Variants in ATP2C1 observed in about 807,000 individuals in gnomAD.
ATP2C1 encodes ATPase secretory pathway Ca2+ transporting 1, also known as calcium-transporting ATPase type 2C member 1.
In ATP2C1, 31 loss-of-function variants were observed where a neutral mutation model predicts 120.5. That is an observed-to-expected ratio of 0.26 (90% CI 0.19 to 0.35). ATP2C1 has a LOEUF of 0.35. Among genes scored for constraint, ATP2C1 ranks in the 10% least tolerant of loss-of-function variants. The pLI is 1.00. For missense variants in ATP2C1, 731 were observed against 1,107.5 expected (o/e 0.66, Z 4.83); for synonymous variants, 351 against 358.7 (o/e 0.98, Z 0.24).
intron 26 of ATP2C1, among the ~76,000 whole-genome samples, chr3:131,012,458 A>G (rs2063361851): frequency 6.6e-6 from 1 of 151,840 alleles, no homozygotes. Context: ...GGGTTTCACC[A>G]TGTCGGCCAG....
intron 2 of ATP2C1, among the ~76,000 whole-genome samples, chr3:130,915,115 A>G (rs553328121): frequency 6.6e-6 from 1 of 150,602 alleles, no homozygotes; most frequent in South Asian, 2.1e-4. Flanking sequence ...CCCCCTTGAG[A>G]CGATGTTTCA....
intron 17 of ATP2C1, 71 bp from the exon 18 acceptor site, chr3:130,975,261 T>G: frequency 6.8e-7 from 1 of 1,470,928 alleles, no homozygotes; most frequent in Non-Finnish European, 9.5e-7. Context: ...GAATGCCACT[T>G]AATTTTGGAC....
upstream of ATP2C1, chr3:130,894,015 A>G (rs2069337067): frequency 1.1e-5 from 11 of 986,232 alleles, no homozygotes; most frequent in African/African-American, 3.5e-5. This position sits in a 1 kb window ranked among gnomAD's most constrained non-coding sequence, Gnocchi z 4.5. Flanking sequence ...CGGCTGGCCC[A>G]GGAGTGCGGG....
At chr3:130,889,346 G>A (rs1021217395), upstream of ATP2C1, among the ~76,000 whole-genome samples, 3 of 152,066 alleles carry the variant, frequency 2.0e-5, no homozygotes, top group Non-Finnish European at 4.4e-5. Context: ...GACCTTATTC[G>A]AGGACCTAGT....
chr3:130,890,353 C>T (rs779883028), upstream of ATP2C1, among the ~76,000 whole-genome samples: 10 of 152,172 alleles, frequency 6.6e-5, no homozygotes, highest in Non-Finnish European at 8.8e-5. Flanking sequence ...ACATGCATCC[C>T]ATCGACACTC....
At chr3:130,943,565 TTTATTAG>T (rs964351190) in intron 8 of ATP2C1, among the ~76,000 whole-genome samples, 2 of 152,148 alleles carry the variant, frequency 1.3e-5, no homozygotes, top group Admixed American at 6.5e-5. Flanking sequence ...TGTGGAGTAA[TTTATTAG>T]TTATTATTGT....
chr3:130,890,413 T>C (rs1653856518), upstream of ATP2C1, among the ~76,000 whole-genome samples: 1 of 152,248 alleles, frequency 6.6e-6, no homozygotes, highest in Non-Finnish European at 1.5e-5. Flanking sequence ...ATATTACCAC[T>C]GGCTCAGAAT....
intron 1 of ATP2C1, among the ~76,000 whole-genome samples, chr3:130,878,169 A>G (rs1187128438): frequency 6.6e-6 from 1 of 150,560 alleles, no homozygotes; most frequent in East Asian, 2.0e-4. Context: ...GGATAGCATT[A>G]GGAGATATAC....
In ATP2C1 at chr3:130,884,299, ACG is replaced by A. The variant is rs532402516; in HGVS notation, c.108+33372_108+33373del. 8.5e-5 allele frequency among the ~76,000 whole-genome samples: 13 copies of A among 152,152 alleles called. No individual in the cohort carries two copies. In the South Asian group the frequency reaches 2.7e-3, roughly 32 times the overall value. On this transcript the variant is annotated intron_variant, in intron 1 of 26. Transcript: ENST00000504381. ...TTCAGGAGCATATTGTTGAATTTCC[ACG>A]TATCTGTATAGTTTTCAAAATTCCT...
Position 130,881,038 on chromosome 3 carries a change from T to G in ATP2C1, c.108+30110T>G, listed in dbSNP as rs535402420. 5.9e-5 allele frequency among the ~76,000 whole-genome samples: 9 copies of G among 152,288 alleles called. 1 individual carries two copies. The South Asian group carries it at 1.2e-3, about 21-fold the overall frequency. ...ACTTTTAAGTGCAAAATGTACTATT[T>G]TGGAGGTATGAGGAAATGCTACCTT... On this transcript the variant is annotated intron_variant, in intron 1 of 26. Coordinates refer to the ATP2C1 transcript ENST00000504381.
chr3:130,955,850 A>G, intron 10 of ATP2C1: 1 of 381,250 alleles, frequency 2.6e-6, no homozygotes, highest in South Asian at 2.5e-5. Context: ...AAAAGGAAGC[A>G]TAGAGAGAAC....
chr3:131,015,742 G>A (rs1016717484), intron 26 of ATP2C1, among the ~76,000 whole-genome samples: 34 of 152,128 alleles, frequency 2.2e-4, no homozygotes, highest in Admixed American at 6.5e-5. Flanking sequence ...TAGAGTAACA[G>A]GACTAGAGTG....
At position 130,876,648 on chromosome 3, in the gene ATP2C1, T is replaced by C. The variant is rs74315579; in HGVS notation, c.108+25720T>C. Among the ~76,000 whole-genome samples, 1,226 of 152,318 alleles carry C rather than the reference T, an allele frequency of 8.0e-3. 14 individuals are homozygous for C. The highest frequency in any genetic ancestry group is 0.028 in the African/African-American group (1,161 of 41,572). Reference sequence around the variant, plus strand: ...ATTTTAAGACTGTTTTTTCTATTTCTATGAAGAATGTCGTTGGTATTTTAA... The same window carrying C: ...ATTTTAAGACTGTTTTTTCTATTTCCATGAAGAATGTCGTTGGTATTTTAA... On this transcript the variant is annotated intron_variant, in intron 1 of 26. Transcript: ENST00000504381.
chr3:130,912,795 C>T (rs2058494528), intron 2 of ATP2C1, among the ~76,000 whole-genome samples: 1 of 151,746 alleles, frequency 6.6e-6, no homozygotes, highest in African/African-American at 2.4e-5. Flanking sequence ...TATAAAGACA[C>T]ATGCACATGT....
At chr3:130,999,039 T>C (rs933414213) in intron 26 of ATP2C1, among the ~76,000 whole-genome samples, 3 of 152,206 alleles carry the variant, frequency 2.0e-5, no homozygotes, top group African/African-American at 7.2e-5. Flanking sequence ...ATGCTGGAAC[T>C]TCTGAGTACA....
chr3:130,942,871 A>T (rs1408947278), intron 8 of ATP2C1, among the ~76,000 whole-genome samples: 1 of 152,226 alleles, frequency 6.6e-6, no homozygotes, highest in East Asian at 1.9e-4. Flanking sequence ...GTCACTTGGC[A>T]TAAGTTTTCT....
At chr3:130,998,271 A>T (rs767640363) in intron 25 of ATP2C1, 23 bp from the exon 26 acceptor site, 7 of 1,524,528 alleles carry the variant, frequency 4.6e-6, no homozygotes, top group Non-Finnish European at 6.4e-6. Context: ...CTGAAAAGTA[A>T]TTTTGTTATT....
At chr3:130,915,594 T>A (rs368278989) in intron 2 of ATP2C1, among the ~76,000 whole-genome samples, 25 of 152,146 alleles carry the variant, frequency 1.6e-4, no homozygotes, top group East Asian at 3.8e-4. Context: ...GAGTTTATAG[T>A]GTAGTTGAGG....
intron 1 of ATP2C1, among the ~76,000 whole-genome samples, chr3:130,866,667 A>C (rs2068187256): frequency 6.6e-6 from 1 of 152,330 alleles, no homozygotes; most frequent in East Asian, 1.9e-4. Flanking sequence ...GGGGAGAAGT[A>C]TGATTTCTTT....
Sources: gnomAD v4.1 joint callset for allele counts (sites outside exome capture counted in the v4.1 genomes callset) on GRCh38, gnomAD v4.1.1 for gene constraint, Gnocchi (gnomAD v3.1) non-coding constraint, MANE v1.5 for transcripts, NCBI Gene and HGNC (gene_info 2026-07-23, HGNC 2026-07-21) for gene names.